The following DPP6 variants were observed in gnomAD, a reference collection of about 807,000 sequenced individuals.
The protein encoded by DPP6 is dipeptidyl peptidase like 6.
DPP6 carries 69 observed loss-of-function variants against 122.6 expected under a neutral mutation model. That is an observed-to-expected ratio of 0.56 (90% CI 0.46 to 0.69). DPP6 has a LOEUF of 0.69. Ranked by LOEUF, DPP6 falls within the 30% of genes least tolerant of loss-of-function variation. DPP6 has a pLI of 0.00. For synonymous variants in DPP6, 418 were observed against 433.1 expected (o/e 0.97, Z 0.43); for missense variants, 928 against 1,116.9 (o/e 0.83, Z 2.41).
At chr7:154,471,725 C>T (rs1056080809) in intron 2 of DPP6, among the ~76,000 whole-genome samples, 2 of 152,050 alleles carry the variant, frequency 1.3e-5, no homozygotes, top group Admixed American at 1.3e-4. Flanking sequence ...AAGCAGAAAC[C>T]AACCCAACAC....
intron 6 of DPP6, among the ~76,000 whole-genome samples, chr7:154,667,416 T>C (rs952972221): frequency 6.6e-6 from 1 of 152,174 alleles, no homozygotes; most frequent in Non-Finnish European, 1.5e-5. Flanking sequence ...CTTATGAGAA[T>C]ACTTTGAAAC....
chr7:154,231,478 T>G (rs575821150), intron 1 of DPP6, among the ~76,000 whole-genome samples: 1 of 152,314 alleles, frequency 6.6e-6, no homozygotes, highest in East Asian at 1.9e-4. Context: ...AGTGTCAGGA[T>G]AACATCGGGC....
chr7:154,694,078 T>C (rs1163196883), intron 7 of DPP6, among the ~76,000 whole-genome samples: 1 of 152,196 alleles, frequency 6.6e-6, no homozygotes, highest in Non-Finnish European at 1.5e-5. Context: ...ATTCTGTGCC[T>C]GGTGAGGGCC....
intron 1 of DPP6, among the ~76,000 whole-genome samples, chr7:153,999,619 T>C (rs1797595177): frequency 6.6e-6 from 1 of 152,206 alleles, no homozygotes; most frequent in African/African-American, 2.4e-5. Flanking sequence ...TTTTATAGTT[T>C]AGTATCTATC....
chr7:153,894,451 C>CT (rs1207953115), intron 1 of DPP6, among the ~76,000 whole-genome samples: 1 of 152,124 alleles, frequency 6.6e-6, no homozygotes, highest in Non-Finnish European at 1.5e-5. Flanking sequence ...AGAATTCCCC[C>CT]TTTACCATTG....
chr7:154,863,498 G>A lies in DPP6; in HGVS notation c.1715-4497G>A, dbSNP rs1803597301. Among the ~76,000 whole-genome samples, 1 of 151,852 alleles carries A rather than the reference G, an allele frequency of 6.6e-6. No individual in the cohort carries two copies. The highest frequency in any genetic ancestry group is 1.5e-5 in the Non-Finnish European group (1 of 67,984). On this transcript the variant is annotated intron_variant, in intron 17 of 25. Transcript: ENST00000377770. The surrounding 1 kb of genome is among the most constrained non-coding windows in gnomAD (Gnocchi z 4.1). ...AGCCTCCTGAGTAACTGGGACCACAGGTGTGTGCCACCATGCCTGGATTTT... is the reference window on the plus strand; with the variant it reads ...AGCCTCCTGAGTAACTGGGACCACAAGTGTGTGCCACCATGCCTGGATTTT...
At chr7:153,848,041 G>A in the DPP6 span, among the ~76,000 whole-genome samples, 2 of 152,154 alleles carry the variant, frequency 1.3e-5, no homozygotes, top group African/African-American at 2.4e-5. Context: ...GTCAAGCGAC[G>A]GATGAAAAAA....
At chr7:154,077,722 G>A (rs1356088272) in intron 1 of DPP6, among the ~76,000 whole-genome samples, 1 of 150,580 alleles carries the variant, frequency 6.6e-6, no homozygotes, top group African/African-American at 2.4e-5. Context: ...CCAGGCTAGA[G>A]TGCAGTGGTG....
In DPP6 at chr7:154,769,800, C is replaced by A. The variant is rs1183167953; in HGVS notation, c.1038+229C>A. On this transcript the variant is annotated intron_variant, in intron 9 of 25. Transcript: ENST00000377770. ...AACCGAACTAATGTTCATCACCTGA[C>A]TCAGCTTCACTGAACCAAAACACAC... is the stretch of plus-strand genomic sequence containing the variant. Among the ~76,000 whole-genome samples the A allele has an allele frequency of 2.0e-5, 3 of 152,192 alleles. No individual in the cohort carries two copies. The South Asian group carries it at 6.2e-4, about 32-fold the overall frequency.
At chr7:154,552,075 A>T (rs1051409449) in intron 4 of DPP6, among the ~76,000 whole-genome samples, 1 of 152,222 alleles carries the variant, frequency 6.6e-6, no homozygotes, top group Non-Finnish European at 1.5e-5. Context: ...GTTGCTGCTT[A>T]TGACCATGCC....
intron 1 of DPP6, among the ~76,000 whole-genome samples, chr7:154,256,425 C>T (rs1240263669): frequency 6.6e-6 from 1 of 152,206 alleles, no homozygotes; most frequent in Non-Finnish European, 1.5e-5. Flanking sequence ...TGGACGCCGT[C>T]ACGGAAAACG....
At position 154,632,453 on chromosome 7, in the gene DPP6, G is replaced by T. The variant is rs114902003; in HGVS notation, c.628-5368G>T. On this transcript the variant is annotated intron_variant, in intron 5 of 25. Coordinates refer to ENST00000377770, the MANE Select transcript of DPP6 (RefSeq NM_130797.4). ...GGAGTAGGGGAAGCAAGGGGTCAAA[G>T]AATGGAGGGAAGGAAAACTACATTT... Among the ~76,000 whole-genome samples the T allele has an allele frequency of 7.3e-3, 1,108 of 152,312 alleles. 9 individuals are homozygous for T. The highest frequency in any genetic ancestry group is 0.025 in the African/African-American group (1,035 of 41,562).
At chr7:153,899,304 G>A (rs915906102) in intron 1 of DPP6, among the ~76,000 whole-genome samples, 5 of 151,994 alleles carry the variant, frequency 3.3e-5, no homozygotes, top group Non-Finnish European at 5.9e-5. Context: ...GTTGGGAAAC[G>A]TGAGGAAGCT....
intron 1 of DPP6, among the ~76,000 whole-genome samples, chr7:154,434,831 C>CTATTTT (rs1818725961): frequency 1.3e-5 from 2 of 151,834 alleles, no homozygotes; most frequent in South Asian, 4.1e-4. Flanking sequence ...TTATTTTATT[C>CTATTTT]TATTTTTATT....
chr7:154,704,192 T>C (rs1427369908), intron 7 of DPP6, among the ~76,000 whole-genome samples: 1 of 152,178 alleles, frequency 6.6e-6, no homozygotes, highest in Non-Finnish European at 1.5e-5. Context: ...GCAGATGTGA[T>C]AAAAACAGCA....
intron 1 of DPP6, among the ~76,000 whole-genome samples, chr7:153,970,928 C>T (rs1795987479): frequency 6.6e-6 from 1 of 152,080 alleles, no homozygotes; most frequent in Non-Finnish European, 1.5e-5. Context: ...TTTAAGTCTT[C>T]AGATTTTCTT....
intron 1 of DPP6, among the ~76,000 whole-genome samples, chr7:154,257,716 T>C (rs1802748071): frequency 6.6e-6 from 1 of 151,658 alleles, no homozygotes; most frequent in South Asian, 2.1e-4. Flanking sequence ...AACAAATAAA[T>C]AAATAATAAA....
Position 154,893,476 on chromosome 7 carries a change from A to G in DPP6, c.*996A>G, listed in dbSNP as rs1256417005. 1 of 144,278 alleles carries G rather than the reference A, an allele frequency of 6.9e-6. No homozygotes were observed. Among genetic ancestry groups the G allele is most frequent in the Non-Finnish European group, 1.6e-5 (1 of 64,434 alleles). The allele number at this position is 144,278 out of a possible 1,614,324, so 8.9% of individuals were successfully genotyped here. A position where few individuals can be genotyped will look rare whatever the true frequency, so the allele number is the denominator to read the frequency against. On this transcript the variant is annotated 3_prime_UTR_variant, in exon 26 of 26. Transcript: ENST00000377770. Reference sequence around the variant, plus strand: ...TTAAAAAAAAAAAAAAAAAAAAAAAAAAAACAGAAAAAAGACAAAGCGTCA... The same window carrying G: ...TTAAAAAAAAAAAAAAAAAAAAAAAGAAAACAGAAAAAAGACAAAGCGTCA...
chr7:154,818,661 T>A (rs995185846), intron 16 of DPP6, among the ~76,000 whole-genome samples: 62 of 152,226 alleles, frequency 4.1e-4, no homozygotes, highest in Non-Finnish European at 6.9e-4. Flanking sequence ...ATCTCTTATA[T>A]CAAAATTTCC....
Sources: allele counts gnomAD v4.1 joint callset (sites outside exome capture counted in the v4.1 genomes callset), GRCh38; gene constraint gnomAD v4.1.1; non-coding constraint Gnocchi (gnomAD v3.1); transcripts MANE v1.5; gene names NCBI Gene and HGNC (gene_info 2026-07-23, HGNC 2026-07-21).